The following TRPM6 variants were observed in gnomAD, a reference collection of about 807,000 sequenced individuals.
TRPM6 encodes channel kinase 2.
In TRPM6, 111 loss-of-function variants were observed where a neutral mutation model predicts 247.6. That is an observed-to-expected ratio of 0.45 (90% CI 0.38 to 0.52). The LOEUF is 0.52. Ranked by LOEUF, TRPM6 falls within the 20% of genes least tolerant of loss-of-function variation. TRPM6 has a pLI of 0.00. For synonymous variants in TRPM6, 892 were observed against 853.8 expected (o/e 1.04, Z -0.78); for missense variants, 2,126 against 2,421.5 (o/e 0.88, Z 2.56).
chr9:74,779,512 T>C (rs1827342296), intron 23 of TRPM6, among the ~76,000 whole-genome samples: 1 of 152,188 alleles, frequency 6.6e-6, no homozygotes, highest in South Asian at 2.1e-4. Context: ...TCAACCCCTG[T>C]CTTCCCTACT....
intron 1 of TRPM6, among the ~76,000 whole-genome samples, chr9:74,874,780 A>G (rs1374480372): frequency 1.3e-5 from 2 of 150,178 alleles, no homozygotes; most frequent in Non-Finnish European, 3.0e-5. Flanking sequence ...TTTTGAGACA[A>G]TGTCTCACTG....
intron 23 of TRPM6, among the ~76,000 whole-genome samples, chr9:74,779,004 G>T (rs549124561): frequency 4.7e-4 from 72 of 152,174 alleles, no homozygotes; most frequent in Middle Eastern, 3.4e-3. Context: ...TAAGATGCGG[G>T]GTGTGAGCCT....
chr9:74,877,894 TA>T (rs1168897388), intron 1 of TRPM6, among the ~76,000 whole-genome samples: 3 of 151,880 alleles, frequency 2.0e-5, no homozygotes, highest in African/African-American at 4.8e-5. Flanking sequence ...TCACCCCTCC[TA>T]CCACAGCCAG....
chr9:74,750,317 C>A (rs1222667192), intron 30 of TRPM6, among the ~76,000 whole-genome samples: 2 of 152,172 alleles, frequency 1.3e-5, no homozygotes, highest in Non-Finnish European at 2.9e-5. Flanking sequence ...TTAAGCAAGA[C>A]AGACTGATTT....
intron 31 of TRPM6, among the ~76,000 whole-genome samples, chr9:74,745,982 C>G (rs1442060858): frequency 1.3e-5 from 2 of 152,162 alleles, no homozygotes; most frequent in African/African-American, 4.8e-5. Flanking sequence ...GGGGCCCACG[C>G]CTGTAATCCC....
At chr9:74,756,063 T>C (rs2118814697) in intron 27 of TRPM6, among the ~76,000 whole-genome samples, 1 of 152,298 alleles carries the variant, frequency 6.6e-6, no homozygotes, top group East Asian at 1.9e-4. Flanking sequence ...AATTGGTAAC[T>C]CAAAAGCAAT....
chr9:74,868,516 T>G (rs1053565505), intron 1 of TRPM6, among the ~76,000 whole-genome samples: 12 of 151,642 alleles, frequency 7.9e-5, no homozygotes, highest in Non-Finnish European at 1.5e-5. Context: ...TAAAATAAAA[T>G]AAAATAAAAA....
intron 38 of TRPM6, among the ~76,000 whole-genome samples, chr9:74,727,338 C>T (rs1036684445): frequency 4.8e-5 from 7 of 147,288 alleles, no homozygotes; most frequent in South Asian, 2.2e-4. Flanking sequence ...GCTGAAATTG[C>T]GCCACTGTGC....
intron 32 of TRPM6, among the ~76,000 whole-genome samples, chr9:74,743,035 C>G (rs1231284984): frequency 6.6e-6 from 1 of 152,190 alleles, no homozygotes; most frequent in Non-Finnish European, 1.5e-5. Flanking sequence ...AGTTCATCTT[C>G]TTTTTCCAGA....
intron 36 of TRPM6, among the ~76,000 whole-genome samples, chr9:74,736,535 C>T (rs574950161): frequency 3.3e-5 from 5 of 152,228 alleles, no homozygotes; most frequent in South Asian, 4.1e-4. Context: ...CTGGCACAAA[C>T]GTAGTAAATG....
At chr9:74,886,501 GTCTTTTTTTC>G (rs1831532517) in intron 1 of TRPM6, among the ~76,000 whole-genome samples, 1 of 151,460 alleles carries the variant, frequency 6.6e-6, no homozygotes, top group African/African-American at 2.4e-5. Flanking sequence ...TGTTCTCAGT[GTCTTTTTTTC>G]TCTTTTTTTT....
intron 18 of TRPM6, among the ~76,000 whole-genome samples, chr9:74,793,774 T>G (rs563950519): frequency 9.8e-4 from 150 of 152,318 alleles, no homozygotes; most frequent in African/African-American, 3.5e-3. Flanking sequence ...CCAGAGTTCC[T>G]TGAACACCCT....
chr9:74,887,264 G>C, intron 1 of TRPM6: 1 of 1,334,816 alleles, frequency 7.5e-7, no homozygotes, highest in African/African-American at 1.5e-5. Context: ...CGGGACTCCT[G>C]CACGGGGAAC....
At chr9:74,869,417 G>C (rs1420343183) in intron 1 of TRPM6, among the ~76,000 whole-genome samples, 1 of 149,354 alleles carries the variant, frequency 6.7e-6, no homozygotes, top group Non-Finnish European at 1.5e-5. Context: ...TAACGCCACT[G>C]CACTCCAGCC....
At chr9:74,827,691 G>T (rs569086971) in intron 7 of TRPM6, 87 bp downstream of exon 7, 1 of 1,394,304 alleles carries the variant, frequency 7.2e-7, no homozygotes, top group African/African-American at 1.4e-5. Context: ...GGGACTAGGA[G>T]AGTGAGCTCT....
At chr9:74,858,247 C>A (rs865790984) in intron 2 of TRPM6, among the ~76,000 whole-genome samples, 1 of 152,152 alleles carries the variant, frequency 6.6e-6, no homozygotes, top group African/African-American at 2.4e-5. Flanking sequence ...ATTAGCCGGA[C>A]GTGGTGGCAG....
chr9:74,823,177 C>T (rs965093621), intron 7 of TRPM6, among the ~76,000 whole-genome samples: 2 of 152,180 alleles, frequency 1.3e-5, no homozygotes, highest in Admixed American at 1.3e-4. Flanking sequence ...CCCATGTTTT[C>T]AGGGGCGCAC....
chr9:74,829,874 C>G (rs1406327205), intron 6 of TRPM6, among the ~76,000 whole-genome samples: 1 of 151,990 alleles, frequency 6.6e-6, no homozygotes, highest in Non-Finnish European at 1.5e-5. Context: ...CCTATAATCC[C>G]AACACTTTGG....
chr9:74,808,119 T>G lies in TRPM6; in HGVS notation c.1553A>C (p.Glu518Ala). The G allele has an allele frequency of 1.2e-6, 2 of 1,614,008 alleles. No homozygotes were observed. The highest frequency in any genetic ancestry group is 1.7e-6 in the Non-Finnish European group (2 of 1,179,932). The change falls in exon 14 of 39, where the codon GAA (glutamate) becomes GCA (alanine). Residue 518 changes from glutamate to alanine, a missense_variant. By Grantham distance (107) the Glu-to-Ala change is moderately radical. This residue lies in a region of TRPM6 where 1,082 missense variants were observed against 1,307.9 expected (regional missense o/e 0.83). Transcript: ENST00000360774. ...ITLIDIGLVV[E>A]YLIGRAYRSN... is the part of the protein sequence containing the mutation. ...GCGATATGCTCTACCAATGAGGTAT[T>G]CTACTACTAATCCAATGTCAATCAA...
Sources: gnomAD v4.1 joint callset for allele counts (sites outside exome capture counted in the v4.1 genomes callset) on GRCh38, gnomAD v4.1.1 for gene constraint, gnomAD v4.1.1 regional missense constraint, MANE v1.5 for transcripts, NCBI Gene and HGNC (gene_info 2026-07-23, HGNC 2026-07-21) for gene names.